UPF2: variants seen among roughly 807,000 people sequenced by gnomAD.
UPF2 encodes UPF2 regulator of nonsense mediated mRNA decay.
Under a neutral mutation model 141.4 loss-of-function variants are expected in UPF2, and 17 were observed. The observed-to-expected ratio is 0.12, with a 90% CI of 0.08 to 0.18. The LOEUF (loss-of-function observed/expected upper bound fraction) is 0.18, where lower values mean the gene tolerates loss of function less well. UPF2 is among the 10% of genes least tolerant of loss of function. The pLI is 1.00. For synonymous variants in UPF2, 540 were observed against 498.0 expected, an observed-to-expected ratio of 1.08 and a Z score of -1.12; for missense variants, 1,152 against 1,515.9, an observed-to-expected ratio of 0.76 and a Z score of 3.99.
intron 11 of UPF2, 87 bp downstream of exon 11, chr10:11,963,922 A>G (rs201020242): frequency 3.4e-4 from 294 of 870,828 alleles, no homozygotes; most frequent in Non-Finnish European, 5.0e-4. Context: ...AAAGAATAAG[A>G]TAACCAGCAC....
chr10:11,999,531 A>C (rs1202307968), intron 7 of UPF2, among the ~76,000 whole-genome samples: 3 of 149,248 alleles, frequency 2.0e-5, no homozygotes, highest in South Asian at 2.1e-4. Flanking sequence ...AAAAAAAAAA[A>C]AACACACACA....
At chr10:12,020,993 G>A (rs1220756386) in intron 3 of UPF2, among the ~76,000 whole-genome samples, 3 of 152,110 alleles carry the variant, frequency 2.0e-5, no homozygotes, top group South Asian at 2.1e-4. Flanking sequence ...TCCCTCTCTC[G>A]TTTGGATTTG....
rs780210021 is a variant in UPF2, at chr10:12,035,304, A to G, written c.120T>C (p.Asp40=). ...CCTCCTTCTTGGCAGTGAGCTTGAT[A>G]TCGTCTTTTGGCCTCTCCTTGCTGC... ...TVSSKERPKD[D]IKLTAKKEVS... is the part of the protein sequence containing the mutation. The change falls in exon 2 of 22, where the codon GAT becomes GAC. Residue 40 remains aspartate, a synonymous_variant. Transcript: ENST00000357604. The G allele has an allele frequency of 1.9e-6, 3 of 1,613,764 alleles. No homozygotes were observed. Among genetic ancestry groups the G allele is most frequent in the African/African-American group, 1.3e-5 (1 of 74,808 alleles).
rs370455340 is a variant in UPF2 at position 11,936,736 on chromosome 10, A to C, written c.3379-24T>G. On this transcript the variant is annotated intron_variant, in intron 18 of 21. Transcript: ENST00000357604. This position sits in a 1 kb window ranked among gnomAD's most constrained non-coding sequence, Gnocchi z 6.6. The stretch of plus-strand genomic sequence containing the variant: ...TGCTAAAAGAAATTAAAAAGGACAT[A>C]ATAAACACTCCAAGATATATACGGA... 1 of 1,592,952 alleles carries C rather than the reference A, an allele frequency of 6.3e-7. No homozygotes were observed. Among genetic ancestry groups the C allele is most frequent in the Non-Finnish European group, 8.5e-7 (1 of 1,170,166 alleles).
At chr10:12,026,781 T>G in intron 3 of UPF2, 2 of 395,748 alleles carry the variant, frequency 5.1e-6, no homozygotes, top group South Asian at 1.9e-5. Context: ...CCCCCACAAG[T>G]AGCTGGGATT....
At position 11,999,963 on chromosome 10, in the gene UPF2, T is replaced by G. The variant is rs1293496604; in HGVS notation, c.1701A>C (p.Ile567=). Residue 567 remains isoleucine, a synonymous_variant, in exon 7 of 22, where the codon ATA becomes ATC. Transcript: ENST00000357604. Reference sequence around the variant, plus strand: ...GTAACTGCTGTAGGAAAGCATCTACTATGAGCTTGAGATGAGATCCAGTGC... The same window carrying G: ...GTAACTGCTGTAGGAAAGCATCTACGATGAGCTTGAGATGAGATCCAGTGC... ...EASTGSHLKL[I]VDAFLQQLPN... is the part of the protein sequence containing the mutation. 1 of 1,613,564 alleles carries G rather than the reference T, an allele frequency of 6.2e-7. No homozygotes were observed. The highest frequency in any genetic ancestry group is 1.3e-5 in the African/African-American group (1 of 74,892).
chr10:11,950,835 C>T (rs2062989), intron 15 of UPF2, among the ~76,000 whole-genome samples: 7,091 of 152,252 alleles, frequency 0.047, 249 homozygotes, highest in Middle Eastern at 0.12. Flanking sequence ...ATCATATATG[C>T]CTTTACGGGT....
intron 21 of UPF2, among the ~76,000 whole-genome samples, chr10:11,923,697 G>C (rs966481760): frequency 2.0e-5 from 3 of 151,612 alleles, no homozygotes; most frequent in African/African-American, 7.3e-5. Flanking sequence ...AAATTAGCTG[G>C]GCGTGGTGGC....
chr10:12,036,338 C>T (rs1200364404), intron 1 of UPF2, among the ~76,000 whole-genome samples: 3 of 152,104 alleles, frequency 2.0e-5, no homozygotes, highest in Admixed American at 6.6e-5. Flanking sequence ...AAATATCCGT[C>T]GGAGAAAAAA....
At chr10:12,028,621 T>C (rs987698869) in intron 3 of UPF2, 124 bp downstream of exon 3, 1 of 935,928 alleles carries the variant, frequency 1.1e-6, no homozygotes, top group Non-Finnish European at 1.5e-6. Context: ...TTTCCTGGAA[T>C]GTTAAGAAAT....
At chr10:11,987,761 C>CAAAAAA (rs572687103) in intron 8 of UPF2, among the ~76,000 whole-genome samples, 11 of 54,156 alleles carry the variant, frequency 2.0e-4, no homozygotes, top group African/African-American at 6.5e-4. Flanking sequence ...GACTCTGCCT[C>CAAAAAA]AAAAAAAAAA....
At chr10:12,041,097 TAC>T (rs1457034945) in intron 1 of UPF2, among the ~76,000 whole-genome samples, 8 of 152,194 alleles carry the variant, frequency 5.3e-5, no homozygotes, top group African/African-American at 1.9e-4. Flanking sequence ...TTCACCTCAA[TAC>T]ACGTTTGTTT....
chr10:11,939,661 C>G lies in UPF2; in HGVS notation c.3379-2949G>C, dbSNP rs1832912059. On this transcript the variant is annotated intron_variant, in intron 18 of 21. Transcript: ENST00000357604. The surrounding 1 kb of genome is among the most constrained non-coding windows in gnomAD (Gnocchi z 4.8). ...TCCTGAGTAGCTGGGATTACAGGCG[C>G]CTGCCACCATGCCTGGCTAATTTTT... Among the ~76,000 whole-genome samples, 1 of 151,968 alleles carries G rather than the reference C, an allele frequency of 6.6e-6. No individual in the cohort carries two copies. The highest frequency in any genetic ancestry group is 6.6e-5 in the Admixed American group (1 of 15,246).
intron 3 of UPF2, among the ~76,000 whole-genome samples, chr10:12,022,410 C>CA (rs112402179): frequency 0.032 from 2,425 of 74,952 alleles, 60 homozygotes; most frequent in African/African-American, 0.092. Context: ...GACTCCGTCT[C>CA]AAAAAAAAAA....
chr10:11,971,258 CT>C (rs11289857), intron 9 of UPF2, among the ~76,000 whole-genome samples: 113,548 of 129,434 alleles, frequency 0.88, 49,597 homozygotes, highest in Middle Eastern at 0.92. Context: ...TCATTTCTTT[CT>C]TTTTTTTTTT....
At chr10:11,955,829 A>C (rs1257263215) in intron 13 of UPF2, among the ~76,000 whole-genome samples, 1 of 152,180 alleles carries the variant, frequency 6.6e-6, no homozygotes, top group Non-Finnish European at 1.5e-5. Context: ...GGAAACAATA[A>C]ATCTGGGTTT....
rs1308704337 is a variant in UPF2 at position 11,952,072 on chromosome 10, T to C, written c.3028A>G (p.Lys1010Glu). The change falls in exon 15 of 22, where the codon AAA becomes GAA. Residue 1010 changes from lysine to glutamate, a missense_variant. This residue lies in a region of UPF2 where 202 missense variants were observed against 223.6 expected (regional missense o/e 0.90). Coordinates refer to ENST00000357604, the MANE Select transcript of UPF2 (RefSeq NM_015542.4). ...TCTGCAATCAATTGCTTACCTAGTT[T>C]TATTAAGAATTCTCGTTCCAAGTCT... is the stretch of plus-strand genomic sequence containing the variant. ...VQDLEREFLI[K>E]LGLVNDKDSK... is the part of the protein sequence containing the mutation. 1.2e-6 allele frequency: 2 copies of C among 1,613,440 alleles called. No individual in the cohort carries two copies. The highest frequency in any genetic ancestry group is 1.7e-6 in the Non-Finnish European group (2 of 1,179,782).
At chr10:11,961,665 C>G (rs981315139) in intron 11 of UPF2, among the ~76,000 whole-genome samples, 2 of 152,050 alleles carry the variant, frequency 1.3e-5, no homozygotes, top group Non-Finnish European at 2.9e-5. Context: ...TATGTGAGAT[C>G]AAGGAGGGCG....
chr10:12,031,816 T>C (rs1834529223), intron 2 of UPF2, among the ~76,000 whole-genome samples: 2 of 152,100 alleles, frequency 1.3e-5, no homozygotes, highest in Admixed American at 1.3e-4. Flanking sequence ...AAAAAGTACA[T>C]TTTCATCTTT....
Sources: gnomAD v4.1 joint callset for allele counts (sites outside exome capture counted in the v4.1 genomes callset) on GRCh38, gnomAD v4.1.1 for gene constraint, gnomAD v4.1.1 regional missense constraint, Gnocchi (gnomAD v3.1) non-coding constraint, MANE v1.5 for transcripts, NCBI Gene and HGNC (gene_info 2026-07-23, HGNC 2026-07-21) for gene names.